CHST11: variants seen among roughly 807,000 people sequenced by gnomAD.
CHST11 encodes carbohydrate sulfotransferase 11, also known as C4S-1.
Under a neutral mutation model 30.4 loss-of-function variants are expected in CHST11, and 9 were observed. That is an observed-to-expected ratio of 0.30 (90% confidence interval 0.18 to 0.52). The LOEUF is 0.52. Ranked by LOEUF, CHST11 falls within the 20% of genes least tolerant of loss-of-function variation. The pLI, the probability that CHST11 is intolerant of heterozygous loss-of-function variation, is 0.97. For missense variants in CHST11, 348 were observed against 460.6 expected (o/e 0.76, Z 2.24); for synonymous variants, 152 against 187.8 (o/e 0.81, Z 1.56).
At chr12:104,714,896 T>C (rs912932466) in intron 2 of CHST11, among the ~76,000 whole-genome samples, 1 of 152,144 alleles carries the variant, frequency 6.6e-6, no homozygotes, top group African/African-American at 2.4e-5. Context: ...TCAAAGACCA[T>C]GGGCTAGAAC....
At chr12:104,527,596 C>T (rs570842434) in intron 1 of CHST11, among the ~76,000 whole-genome samples, 1 of 152,298 alleles carries the variant, frequency 6.6e-6, no homozygotes, top group South Asian at 2.1e-4. Context: ...AGAGACAGCA[C>T]CTAGCTCTGA....
intron 2 of CHST11, among the ~76,000 whole-genome samples, chr12:104,734,386 A>C (rs2040281963): frequency 6.6e-6 from 1 of 152,188 alleles, no homozygotes; most frequent in Admixed American, 6.5e-5. Flanking sequence ...GTGTAGGCAC[A>C]AGATGAATGT....
In CHST11 at chr12:104,655,102, T is replaced by G. The variant is rs115775376; in HGVS notation, c.204+53111T>G. On this transcript the variant is annotated intron_variant, in intron 2 of 2. Coordinates refer to ENST00000303694, the MANE Select transcript of CHST11 (RefSeq NM_018413.6). ...ATTCTGGGAAACACTCAGAAAGTGGTGGTTGGTGAGGGCACATTCATGTCC... is the reference window on the plus strand; with the variant it reads ...ATTCTGGGAAACACTCAGAAAGTGGGGGTTGGTGAGGGCACATTCATGTCC... Among the ~76,000 whole-genome samples the G allele has an allele frequency of 3.2e-3, 482 of 152,248 alleles. 6 individuals carry two copies. The highest frequency in any genetic ancestry group is 0.01 in the African/African-American group (425 of 41,516).
chr12:104,474,622 G>A (rs1307491445), intron 1 of CHST11, among the ~76,000 whole-genome samples: 1 of 152,232 alleles, frequency 6.6e-6, no homozygotes, highest in Non-Finnish European at 1.5e-5. Flanking sequence ...TCATTGGAAA[G>A]TCACAGCAAC....
intron 2 of CHST11, among the ~76,000 whole-genome samples, chr12:104,602,750 C>T (rs957849827): frequency 1.3e-5 from 2 of 152,134 alleles, no homozygotes; most frequent in African/African-American, 4.8e-5. Context: ...CATCAGTGGA[C>T]CTTCGATAGC....
intron 2 of CHST11, among the ~76,000 whole-genome samples, chr12:104,744,365 CT>C (rs1373131913): frequency 1.3e-5 from 2 of 152,214 alleles, no homozygotes; most frequent in South Asian, 2.1e-4. Context: ...TGATGCGGAA[CT>C]TTTTTTTGTA....
Position 104,760,510 on chromosome 12 carries a change from T to C in CHST11, c.*2707T>C, listed in dbSNP as rs1042367425. On this transcript the variant is annotated 3_prime_UTR_variant, in exon 3 of 3. Transcript: ENST00000303694. ...ATGCTCAGTGGGAACAGATGATCTC[T>C]TGATGAGTGCTTCTTCAGTTTCATA... The C allele has an allele frequency of 6.6e-6, 1 of 152,176 alleles. No individual in the cohort carries two copies. The highest frequency in any genetic ancestry group is 2.4e-5 in the African/African-American group (1 of 41,460). The allele number at this position is 152,176 out of a possible 1,614,324, so 9.4% of individuals were successfully genotyped here. A position where few individuals can be genotyped will look rare whatever the true frequency, so the allele number is the denominator to read the frequency against.
rs1340862101 is a variant in CHST11, at chr12:104,458,227, C to T, written c.118+698C>T. Among the ~76,000 whole-genome samples, 1 of 152,174 alleles carries T rather than the reference C, an allele frequency of 6.6e-6. No homozygotes were observed. Among genetic ancestry groups the T allele is most frequent in the African/African-American group, 2.4e-5 (1 of 41,460 alleles). Reference sequence around the variant, plus strand: ...GCGGCTGGTGCCCCGGGGCCTGCTCCAGCCCCCAGCCCTGAGCTGGAAACT... The same window carrying T: ...GCGGCTGGTGCCCCGGGGCCTGCTCTAGCCCCCAGCCCTGAGCTGGAAACT... On this transcript the variant is annotated intron_variant, in intron 1 of 2. Transcript: ENST00000303694. The surrounding 1 kb of genome is among the most constrained non-coding windows in gnomAD (Gnocchi z 5.7).
chr12:104,579,680 T>A (rs951181805), intron 1 of CHST11, among the ~76,000 whole-genome samples: 11 of 152,200 alleles, frequency 7.2e-5, no homozygotes, highest in Non-Finnish European at 1.3e-4. Flanking sequence ...CGGGGTGTAT[T>A]CCTCAGCAGC....
At chr12:104,562,604 T>C (rs1468997370) in intron 1 of CHST11, among the ~76,000 whole-genome samples, 2 of 152,214 alleles carry the variant, frequency 1.3e-5, no homozygotes, top group African/African-American at 4.8e-5. Context: ...CTCAATGATA[T>C]CAAAATCATT....
intron 1 of CHST11, among the ~76,000 whole-genome samples, chr12:104,505,633 A>G (rs1839478147): frequency 6.6e-6 from 1 of 152,164 alleles, no homozygotes; most frequent in Admixed American, 6.5e-5. Flanking sequence ...TGGACAAGTT[A>G]TTTTAACCTC....
intron 1 of CHST11, among the ~76,000 whole-genome samples, chr12:104,496,196 G>A (rs1198051548): frequency 8.6e-5 from 13 of 151,778 alleles, no homozygotes; most frequent in Admixed American, 8.5e-4. Context: ...TTCCAAATCT[G>A]TGTGTGTGTG....
chr12:104,720,577 G>A (rs368241217), intron 2 of CHST11, among the ~76,000 whole-genome samples: 41 of 152,328 alleles, frequency 2.7e-4, no homozygotes, highest in African/African-American at 8.4e-4. Context: ...GTCCCCTGAA[G>A]ATAAATGATC....
chr12:104,680,599 T>G (rs1167960476), intron 2 of CHST11, among the ~76,000 whole-genome samples: 1 of 152,228 alleles, frequency 6.6e-6, no homozygotes, highest in African/African-American at 2.4e-5. Flanking sequence ...GGTTTATTTC[T>G]GCTTATTGGG....
chr12:104,515,448 C>T (rs777094135), intron 1 of CHST11, among the ~76,000 whole-genome samples: 4 of 152,170 alleles, frequency 2.6e-5, no homozygotes, highest in Non-Finnish European at 5.9e-5. Context: ...GGTGTTAAAG[C>T]TTGGGGAAAG....
intron 1 of CHST11, among the ~76,000 whole-genome samples, chr12:104,533,445 A>G (rs2038205821): frequency 6.6e-6 from 1 of 152,172 alleles, no homozygotes. Context: ...AAGAACTTAT[A>G]AGTTTAATTT....
chr12:104,553,570 AGAGAGAGAG>A (rs2038426146), intron 1 of CHST11: 1 of 42,844 alleles, frequency 2.3e-5, no homozygotes, highest in African/African-American at 6.5e-5. Context: ...GGTGTCAGCG[AGAGAGAGAG>A]AGAGAGAGAG....
intron 1 of CHST11, among the ~76,000 whole-genome samples, chr12:104,534,180 C>A (rs1041612902): frequency 6.6e-6 from 1 of 152,062 alleles, no homozygotes; most frequent in Non-Finnish European, 1.5e-5. Flanking sequence ...ATGTATTTAG[C>A]AAAATGACAT....
chr12:104,473,930 C>T (rs1041007483), intron 1 of CHST11, among the ~76,000 whole-genome samples: 1 of 152,110 alleles, frequency 6.6e-6, no homozygotes, highest in Admixed American at 6.5e-5. Context: ...ACCACCACCA[C>T]CACCACCACC....
Sources: allele counts gnomAD v4.1 joint callset (sites outside exome capture counted in the v4.1 genomes callset), GRCh38; gene constraint gnomAD v4.1.1; non-coding constraint Gnocchi (gnomAD v3.1); transcripts MANE v1.5; gene names NCBI Gene and HGNC (gene_info 2026-07-23, HGNC 2026-07-21).